Variants in CDC42BPB observed in about 807,000 individuals in gnomAD.
The protein encoded by CDC42BPB is serine/threonine-protein kinase MRCK beta.
Under a neutral mutation model 214.9 loss-of-function variants are expected in CDC42BPB, and 37 were observed. The observed-to-expected ratio is 0.17, with a 90% confidence interval of 0.13 to 0.23. The LOEUF (loss-of-function observed/expected upper bound fraction) is 0.23. Among genes scored for constraint, CDC42BPB ranks in the 10% least tolerant of loss-of-function variants. The pLI is 1.00. For synonymous variants in CDC42BPB, 931 were observed against 884.0 expected (o/e 1.05, Z -0.94); for missense variants, 1,694 against 2,227.0 (o/e 0.76, Z 4.82).
chr14:103,007,457 A>T (rs1885897327), intron 3 of CDC42BPB, among the ~76,000 whole-genome samples: 1 of 152,208 alleles, frequency 6.6e-6, no homozygotes. Flanking sequence ...CACAAATTCC[A>T]GGACCAAAGA....
intron 1 of CDC42BPB, among the ~76,000 whole-genome samples, chr14:103,025,282 T>C (rs998036037): frequency 2.0e-5 from 3 of 152,068 alleles, no homozygotes; most frequent in South Asian, 2.1e-4. Context: ...CCCCCACCAA[T>C]TGCACTTGGA....
intron 5 of CDC42BPB, among the ~76,000 whole-genome samples, chr14:102,987,041 G>A (rs1046451896): frequency 6.6e-6 from 1 of 152,344 alleles, no homozygotes; most frequent in African/African-American, 2.4e-5. Flanking sequence ...TGGGACAAAG[G>A]GACAGAGGGA....
In CDC42BPB at chr14:102,976,007, G is replaced by A. The variant is rs779991716; in HGVS notation, c.1263C>T (p.Ser421=). ...DRGSLKSIMQ[S]NTLTKDEDVQ... ...CATCCTCATCTTTGGTTAATGTGTTGGACTGCATTATGCTCTTCAGAGAGC... is the reference window on the plus strand; with the variant it reads ...CATCCTCATCTTTGGTTAATGTGTTAGACTGCATTATGCTCTTCAGAGAGC... Residue 421 remains serine, a synonymous_variant, in exon 10 of 37, where the codon TCC becomes TCT. Transcript: ENST00000361246. The A allele has an allele frequency of 6.2e-7, 1 of 1,614,214 alleles. No individual in the cohort carries two copies. The highest frequency in any genetic ancestry group is 1.7e-5 in the Admixed American group (1 of 60,030).
Position 102,946,811 on chromosome 14 carries a change from A to AC in CDC42BPB, c.3532-128dup. 3 of 1,460,390 alleles carry AC rather than the reference A, an allele frequency of 2.1e-6. No homozygotes were observed. In the East Asian group the frequency reaches 7.4e-5, roughly 36 times the overall value. The allele number at this position is 1,460,390 out of a possible 1,614,324, so 90.5% of individuals were successfully genotyped here. A position where few individuals can be genotyped will look rare whatever the true frequency, so the allele number is the denominator to read the frequency against. On this transcript the variant is annotated intron_variant, in intron 27 of 36. Transcript: ENST00000361246. ...GGGCTGATGTGCTTCCCAGGCAGGG[A>AC]CCCCTGACTCCACCTCGCTGGGCGC...
rs781495376 is a variant in CDC42BPB at position 102,943,982 on chromosome 14, A to G, written c.4317T>C (p.Leu1439=). Residue 1439 remains leucine, a synonymous_variant, in exon 30 of 37, where the codon CTT becomes CTC. Transcript: ENST00000361246. This position sits in a 1 kb window ranked among gnomAD's most constrained non-coding sequence, Gnocchi z 4.6. ...CGTACAGTCCCATGTGGCTGAAGCA[A>G]AGCAGGTACTCCTCGCTTTCGAGCT... is the stretch of plus-strand genomic sequence containing the variant. ...AVELESEEYL[L]CFSHMGLYVD... The G allele has an allele frequency of 3.7e-6, 6 of 1,613,114 alleles. No homozygotes were observed. Among genetic ancestry groups the G allele is most frequent in the Non-Finnish European group, 5.1e-6 (6 of 1,180,010 alleles).
intron 1 of CDC42BPB, among the ~76,000 whole-genome samples, chr14:103,032,332 A>T (rs1887428829): frequency 6.6e-6 from 1 of 151,826 alleles, no homozygotes; most frequent in Non-Finnish European, 1.5e-5. Flanking sequence ...TACCACTGCA[A>T]CATCTGAAAT....
intron 22 of CDC42BPB, 137 bp from the exon 23 acceptor site, chr14:102,954,412 C>T: frequency 1.4e-6 from 2 of 1,443,372 alleles, no homozygotes; most frequent in African/African-American, 1.4e-5. Context: ...AATGTTGAGA[C>T]ATCTGCGGAA....
Position 102,975,952 on chromosome 14 carries a change from T to C in CDC42BPB, c.1318A>G (p.Met440Val), listed in dbSNP as rs202198663. 3.7e-5 allele frequency: 60 copies of C among 1,614,246 alleles called. No homozygotes were observed. In the East Asian group the frequency reaches 8.7e-4, roughly 23 times the overall value. ...VQRDLEHSLQ[M>V]EAYERRIRRL... ...CGAATCCTCCTCTCGTAAGCTTCCA[T>C]CTGCAGGCTGTGCTCCAGGTCCCGC... The change falls in exon 10 of 37, where the codon ATG becomes GTG. Residue 440 changes from methionine (M) to valine (V), a missense_variant. This residue lies in a region of CDC42BPB where 462 missense variants were observed against 513.5 expected (regional missense o/e 0.90). Transcript: ENST00000361246.
chr14:103,009,487 A>G (rs1886033487), intron 2 of CDC42BPB, among the ~76,000 whole-genome samples: 1 of 152,244 alleles, frequency 6.6e-6, no homozygotes, highest in Non-Finnish European at 1.5e-5. Context: ...CAAAGGCCGC[A>G]TGGAAAGGAC....
At position 103,021,696 on chromosome 14, in the gene CDC42BPB, G is replaced by C. The variant is rs937393581; in HGVS notation, c.176-9508C>G. On this transcript the variant is annotated intron_variant, in intron 1 of 36. Transcript: ENST00000361246. The stretch of plus-strand genomic sequence containing the variant: ...CCTAGTCTCAAAAAAAAAAAAAAAA[G>C]AACATTCAGATGCAAAAGACAGGAA... 1.6e-4 allele frequency among the ~76,000 whole-genome samples: 22 copies of C among 135,058 alleles called. No homozygotes were observed. The East Asian group carries it at 3.2e-3, about 20-fold the overall frequency. 88.6% of individuals were successfully genotyped at this position (135,058 alleles called of 152,430 possible).
At chr14:102,961,296 G>C (rs563234849) in intron 20 of CDC42BPB, among the ~76,000 whole-genome samples, 1 of 151,856 alleles carries the variant, frequency 6.6e-6, no homozygotes, top group Non-Finnish European at 1.5e-5. Context: ...AAAGGAAGAA[G>C]ACTGAAAACT....
chr14:103,023,395 C>G (rs1438969143), intron 1 of CDC42BPB, among the ~76,000 whole-genome samples: 3 of 151,924 alleles, frequency 2.0e-5, no homozygotes, highest in African/African-American at 7.2e-5. Context: ...TCAAACTCCT[C>G]ACCTCAGGTG....
At chr14:102,936,055 A>G (rs1006142457) in intron 36 of CDC42BPB, among the ~76,000 whole-genome samples, 1 of 152,258 alleles carries the variant, frequency 6.6e-6, no homozygotes, top group African/African-American at 2.4e-5. Flanking sequence ...ATCAGGTACT[A>G]CTTCATAGCC....
chr14:102,934,359 C>A (rs1423570874), intron 36 of CDC42BPB, among the ~76,000 whole-genome samples: 1 of 151,988 alleles, frequency 6.6e-6, no homozygotes, highest in Non-Finnish European at 1.5e-5. Flanking sequence ...ATGGTGAAAC[C>A]CCGTCTCTAC....
chr14:103,009,817 A>C (rs752885230), intron 2 of CDC42BPB, among the ~76,000 whole-genome samples: 5 of 152,194 alleles, frequency 3.3e-5, no homozygotes, highest in Non-Finnish European at 5.9e-5. Context: ...ACAGACAGGC[A>C]ATCACTTAAT....
intron 1 of CDC42BPB, among the ~76,000 whole-genome samples, chr14:103,031,358 G>C (rs1340118720): frequency 2.0e-5 from 3 of 152,152 alleles, no homozygotes; most frequent in East Asian, 1.9e-4. Context: ...CAGATGCCTA[G>C]AGATGAGACA....
intron 1 of CDC42BPB, among the ~76,000 whole-genome samples, chr14:103,024,079 A>G (rs577491232): frequency 3.3e-5 from 5 of 152,308 alleles, no homozygotes; most frequent in Non-Finnish European, 7.3e-5. Flanking sequence ...GTACAACGCC[A>G]GAGTAGTCCT....
chr14:102,981,831 AG>A (rs1401370588), intron 7 of CDC42BPB, among the ~76,000 whole-genome samples: 3 of 152,240 alleles, frequency 2.0e-5, no homozygotes, highest in Non-Finnish European at 4.4e-5. Flanking sequence ...GTGCTGCTAT[AG>A]AAAGACACCA....
chr14:102,966,483 G>A, intron 17 of CDC42BPB, 96 bp from the exon 18 acceptor site: 1 of 1,542,632 alleles, frequency 6.5e-7, no homozygotes. Context: ...GGCACACAGT[G>A]ACACAGTGTC....
Sources: allele counts gnomAD v4.1 joint callset (sites outside exome capture counted in the v4.1 genomes callset), GRCh38; gene constraint gnomAD v4.1.1; regional missense constraint gnomAD v4.1.1; non-coding constraint Gnocchi (gnomAD v3.1); transcripts MANE v1.5; gene names NCBI Gene and HGNC (gene_info 2026-07-23, HGNC 2026-07-21).